The following EFCAB6 variants were observed in gnomAD, a reference collection of about 807,000 sequenced individuals.
The protein encoded by EFCAB6 is EF-hand calcium-binding domain-containing protein 6.
In EFCAB6, 156 loss-of-function variants were observed where a neutral mutation model predicts 169.8. The observed-to-expected ratio is 0.92, with a 90% CI of 0.81 to 1.05. EFCAB6 has a LOEUF of 1.05. EFCAB6 is among the 50% of genes least tolerant of loss of function. The pLI is 0.00. For missense variants in EFCAB6, 1,800 were observed against 1,829.1 expected (o/e 0.98, Z 0.29); for synonymous variants, 698 against 676.4 (o/e 1.03, Z -0.50).
Position 43,718,365 on chromosome 22 carries a change from A to C in EFCAB6, c.758-1393T>G, listed in dbSNP as rs576439702. 8.9e-4 allele frequency among the ~76,000 whole-genome samples: 135 copies of C among 152,344 alleles called. 2 individuals carry two copies. Among genetic ancestry groups the C allele is most frequent in the African/African-American group, 3.2e-3 (132 of 41,574 alleles). Reference sequence around the variant, plus strand: ...CGCTTCAGCCAAATTAAGCACACTTAATTCAGCTGCAGTTAACAAACTGCC... The same window carrying C: ...CGCTTCAGCCAAATTAAGCACACTTCATTCAGCTGCAGTTAACAAACTGCC... On this transcript the variant is annotated intron_variant, in intron 8 of 31. Transcript: ENST00000262726.
chr22:43,548,579 CAGT>C (rs1206194422), intron 27 of EFCAB6, among the ~76,000 whole-genome samples: 1 of 128,940 alleles, frequency 7.8e-6, no homozygotes, highest in African/African-American at 2.9e-5. Flanking sequence ...AAGGTCAACT[CAGT>C]AGGAGGCTAT....
Position 43,528,978 on chromosome 22 carries a change from G to A in EFCAB6, c.4384-3C>T. 3.2e-6 allele frequency: 5 copies of A among 1,574,392 alleles called. No homozygotes were observed. Among genetic ancestry groups the A allele is most frequent in the Non-Finnish European group, 4.4e-6 (5 of 1,149,184 alleles). ...TTGATGCTGTACTGTCTCAGGACCT[G>A]GAAGACAGAGAAAAGGGGCCTCTGA... On this transcript the variant is annotated splice_polypyrimidine_tract_variant and splice_region_variant and intron_variant, in intron 31 of 31. Transcript: ENST00000262726.
At chr22:43,618,642 G>C (rs2053909920) in intron 20 of EFCAB6, among the ~76,000 whole-genome samples, 1 of 152,194 alleles carries the variant, frequency 6.6e-6, no homozygotes, top group Non-Finnish European at 1.5e-5. Context: ...CTGTGCAGCA[G>C]ATGTGAACAG....
chr22:43,615,494 G>A (rs1373496632), intron 21 of EFCAB6, among the ~76,000 whole-genome samples: 1 of 152,188 alleles, frequency 6.6e-6, no homozygotes, highest in East Asian at 1.9e-4. Flanking sequence ...TGGTGCAAAA[G>A]TATTGCAGTT....
At chr22:43,749,881 G>A (rs2060694552) in intron 6 of EFCAB6, among the ~76,000 whole-genome samples, 1 of 152,132 alleles carries the variant, frequency 6.6e-6, no homozygotes, top group Non-Finnish European at 1.5e-5. Context: ...TTCTCACACA[G>A]AATCCCAATA....
chr22:43,599,329 G>T (rs570380736), intron 23 of EFCAB6, among the ~76,000 whole-genome samples: 1 of 151,808 alleles, frequency 6.6e-6, no homozygotes, highest in Non-Finnish European at 1.5e-5. Flanking sequence ...GGCCAACATG[G>T]TGAAACCTCA....
At chr22:43,667,926 G>T (rs1213826256) in intron 16 of EFCAB6, among the ~76,000 whole-genome samples, 2 of 152,188 alleles carry the variant, frequency 1.3e-5, no homozygotes, top group African/African-American at 4.8e-5. Flanking sequence ...AAACAGCCCT[G>T]AGACAGTCAT....
chr22:43,663,703 C>G lies in EFCAB6; in HGVS notation c.1983+3401G>C, dbSNP rs190405794. Among the ~76,000 whole-genome samples the G allele has an allele frequency of 3.9e-5, 6 of 152,288 alleles. No homozygotes were observed. The East Asian group carries it at 1.2e-3, about 29-fold the overall frequency. On this transcript the variant is annotated intron_variant, in intron 17 of 31. Transcript: ENST00000262726. ...TATGGACTGAATGTTTGTGTCTCCC[C>G]CAAATTCATATGTTTAGACCCTAAC...
intron 13 of EFCAB6, among the ~76,000 whole-genome samples, chr22:43,677,440 G>A (rs187039227): frequency 6.6e-6 from 1 of 152,266 alleles, no homozygotes; most frequent in East Asian, 1.9e-4. Context: ...GAGGTCAGGA[G>A]ATCAAGACCA....
chr22:43,607,526 C>G (rs2053009615), intron 22 of EFCAB6, among the ~76,000 whole-genome samples: 2 of 152,208 alleles, frequency 1.3e-5, no homozygotes, highest in Non-Finnish European at 2.9e-5. Context: ...GTAAGCTACT[C>G]AAACAGAAAT....
chr22:43,748,160 G>A (rs2060630072), intron 6 of EFCAB6, among the ~76,000 whole-genome samples: 1 of 152,158 alleles, frequency 6.6e-6, no homozygotes, highest in Non-Finnish European at 1.5e-5. Flanking sequence ...CCTGACTCCA[G>A]TTGCTTTCCC....
intron 6 of EFCAB6, among the ~76,000 whole-genome samples, chr22:43,741,497 C>T (rs1050168315): frequency 6.6e-6 from 1 of 152,212 alleles, no homozygotes; most frequent in Non-Finnish European, 1.5e-5. Context: ...CTCTGCTGAC[C>T]ACTTGCTTCA....
At chr22:43,611,981 G>C (rs1178738855) in intron 21 of EFCAB6, among the ~76,000 whole-genome samples, 1 of 152,114 alleles carries the variant, frequency 6.6e-6, no homozygotes, top group Non-Finnish European at 1.5e-5. Context: ...CAGTGGAATA[G>C]AATAGAGAGC....
At chr22:43,739,236 C>G (rs918253904) in intron 6 of EFCAB6, among the ~76,000 whole-genome samples, 5 of 152,266 alleles carry the variant, frequency 3.3e-5, no homozygotes, top group Admixed American at 2.6e-4. Context: ...GGCCACTTCT[C>G]AGTCCTCATC....
At chr22:43,565,109 G>T (rs914915820) in intron 26 of EFCAB6, among the ~76,000 whole-genome samples, 1 of 152,220 alleles carries the variant, frequency 6.6e-6, no homozygotes, top group African/African-American at 2.4e-5. Flanking sequence ...TTGGCCAGTG[G>T]AATGTGGGTA....
At chr22:43,639,668 A>G (rs1271126117) in intron 17 of EFCAB6, among the ~76,000 whole-genome samples, 2 of 152,110 alleles carry the variant, frequency 1.3e-5, no homozygotes, top group Admixed American at 6.5e-5. Context: ...TCTGGAATCT[A>G]TATTAGGGCT....
intron 9 of EFCAB6, among the ~76,000 whole-genome samples, chr22:43,714,070 A>C (rs1031885248): frequency 9.2e-5 from 14 of 152,258 alleles, no homozygotes; most frequent in Non-Finnish European, 2.1e-4. Context: ...ACTTTTTAGA[A>C]ATTGTCATTA....
intron 22 of EFCAB6, among the ~76,000 whole-genome samples, chr22:43,607,008 C>T (rs1015497804): frequency 6.6e-6 from 1 of 152,120 alleles, no homozygotes; most frequent in Non-Finnish European, 1.5e-5. Flanking sequence ...AGGGCCAGCA[C>T]CCCCAGCCAT....
chr22:43,540,377 C>CATTT lies in EFCAB6; in HGVS notation c.3649-24_3649-21dup, dbSNP rs1183371344. 2.5e-6 allele frequency: 4 copies of CATTT among 1,613,472 alleles called. No individual in the cohort carries two copies. The South Asian group carries it at 3.3e-5, about 13-fold the overall frequency. On this transcript the variant is annotated intron_variant, in intron 27 of 31. Transcript: ENST00000262726. The stretch of plus-strand genomic sequence containing the variant: ...GTCAAACTGGAGAAGGAGCAGAAGT[C>CATTT]ATTTCCCAGGTGTCAGTGCAAACAC...
Sources: gnomAD v4.1 joint callset for allele counts (sites outside exome capture counted in the v4.1 genomes callset) on GRCh38, gnomAD v4.1.1 for gene constraint, MANE v1.5 for transcripts, NCBI Gene and HGNC (gene_info 2026-07-23, HGNC 2026-07-21) for gene names.